GPA33: variants seen among roughly 807,000 people sequenced by gnomAD.
GPA33 encodes the protein cell surface A33 antigen.
GPA33 carries 27 observed loss-of-function variants against 35.6 expected under a neutral mutation model. That is an observed-to-expected ratio of 0.76 (90% CI 0.56 to 1.04). The LOEUF (loss-of-function observed/expected upper bound fraction) is 1.04. Ranked by LOEUF, GPA33 falls within the 50% of genes least tolerant of loss-of-function variation. The pLI is 0.00. For synonymous variants in GPA33, 176 were observed against 164.0 expected (o/e 1.07, Z -0.56); for missense variants, 428 against 411.9 (o/e 1.04, Z -0.34).
chr1:167,071,719 T>C (rs1279312086), intron 2 of GPA33, among the ~76,000 whole-genome samples: 1 of 152,134 alleles, frequency 6.6e-6, no homozygotes, highest in African/African-American at 2.4e-5. Context: ...CTCTGCCCAC[T>C]AACCCTCCTC....
At chr1:167,069,322 T>TA (rs1558007519) in intron 2 of GPA33, among the ~76,000 whole-genome samples, 184 bp from the exon 3 acceptor site, 7 of 152,228 alleles carry the variant, frequency 4.6e-5, no homozygotes, top group African/African-American at 1.7e-4. Context: ...ATATATATAT[T>TA]TTTTTAGTTT....
chr1:167,089,306 G>A (rs1347593447), intron 1 of GPA33, among the ~76,000 whole-genome samples: 1 of 152,094 alleles, frequency 6.6e-6, no homozygotes, highest in Non-Finnish European at 1.5e-5. Context: ...CCAGTCTCCT[G>A]GTTTCCACTT....
rs1460538530 is a variant in GPA33, at chr1:167,053,656, T to C, written c.*678A>G. 1 of 152,476 alleles carries C rather than the reference T, an allele frequency of 6.6e-6. No homozygotes were observed. Among genetic ancestry groups the C allele is most frequent in the Non-Finnish European group, 1.5e-5 (1 of 68,268 alleles). The allele number at this position is 152,476 out of a possible 1,614,324, so 9.4% of individuals were successfully genotyped here. A position where few individuals can be genotyped will look rare whatever the true frequency, so the allele number is the denominator to read the frequency against. On this transcript the variant is annotated 3_prime_UTR_variant, in exon 7 of 7. Transcript: ENST00000367868. ...GATAGGGTTAGAGAAATCCTTGTGATTTGAGATGGGCCTGGAGGGACAGGT... is the reference window on the plus strand; with the variant it reads ...GATAGGGTTAGAGAAATCCTTGTGACTTGAGATGGGCCTGGAGGGACAGGT...
chr1:167,068,700 C>A (rs555824636), intron 3 of GPA33, among the ~76,000 whole-genome samples: 94 of 152,330 alleles, frequency 6.2e-4, no homozygotes, highest in Non-Finnish European at 1.2e-3. Context: ...CCAAGTCGGC[C>A]TTCTCTGTCC....
intron 4 of GPA33, among the ~76,000 whole-genome samples, chr1:167,061,009 T>C (rs948265796): frequency 6.6e-6 from 1 of 152,202 alleles, no homozygotes; most frequent in African/African-American, 2.4e-5. Context: ...CAGGCACTAG[T>C]CTCAATGCTT....
chr1:167,068,999 C>A lies in GPA33; in HGVS notation c.338G>T (p.Gly113Val). Residue 113 changes from glycine (G) to valine (V), a missense_variant, in exon 3 of 7, where the codon GGC becomes GTC. By Grantham distance (109) the Gly-to-Val change is moderately radical (BLOSUM62 -3). Transcript: ENST00000367868. ...CAGCGAGACAGAACACTCGTAGGTG[C>A]CGTTGTCAGCCATGGTCAGCTGATC... ...TIDQLTMADN[G>V]TYECSVSLMS... is the part of the protein sequence containing the mutation. 6.2e-7 allele frequency: 1 copy of A among 1,614,034 alleles called. No homozygotes were observed. The highest frequency in any genetic ancestry group is 8.5e-7 in the Non-Finnish European group (1 of 1,179,986).
chr1:167,086,567 A>C (rs1558012605), intron 1 of GPA33, among the ~76,000 whole-genome samples: 3 of 152,216 alleles, frequency 2.0e-5, no homozygotes, highest in Non-Finnish European at 4.4e-5. Flanking sequence ...AGAGCAGACA[A>C]GTGTAGGGCA....
chr1:167,055,736 T>C lies in GPA33; in HGVS notation c.685A>G (p.Arg229Gly). Reference sequence around the variant, plus strand: ...CCCCGCAGGCTGCTCTTACGAGATCTGACGGCCACCGTGATGTTGCAGAAC... The same window carrying C: ...CCCCGCAGGCTGCTCTTACGAGATCCGACGGCCACCGTGATGTTGCAGAAC... ...TQFCNITVAV[R>G]SPSMNVALYV... The change falls in exon 5 of 7, where the codon AGA (arginine) becomes GGA (glycine). Residue 229 changes from arginine to glycine, a missense_variant. Transcript: ENST00000367868. The C allele has an allele frequency of 1.9e-6, 3 of 1,614,050 alleles. No individual in the cohort carries two copies. The highest frequency in any genetic ancestry group is 2.5e-6 in the Non-Finnish European group (3 of 1,179,986).
At chr1:167,081,414 G>T (rs190572963) in intron 1 of GPA33, among the ~76,000 whole-genome samples, 3 of 152,224 alleles carry the variant, frequency 2.0e-5, no homozygotes, top group African/African-American at 7.2e-5. Context: ...GTTCACACAC[G>T]CAGGTTGGTT....
At chr1:167,084,132 G>A (rs1462359596) in intron 1 of GPA33, among the ~76,000 whole-genome samples, 1 of 152,138 alleles carries the variant, frequency 6.6e-6, no homozygotes, top group Non-Finnish European at 1.5e-5. Flanking sequence ...AATAGTCATG[G>A]GAAGTTATGG....
intron 2 of GPA33, among the ~76,000 whole-genome samples, chr1:167,069,958 T>C (rs1666682955): frequency 6.6e-6 from 1 of 152,200 alleles, no homozygotes; most frequent in African/African-American, 2.4e-5. Flanking sequence ...CAAAGAGTGA[T>C]GGAAGTGATA....
chr1:167,056,722 T>A (rs1233028863), intron 4 of GPA33, among the ~76,000 whole-genome samples: 34 of 76,886 alleles, frequency 4.4e-4, no homozygotes, highest in Admixed American at 7.7e-4. Context: ...GTGTGTGTAG[T>A]GTGTGATGTA....
chr1:167,061,064 C>G (rs1003521235), intron 4 of GPA33, among the ~76,000 whole-genome samples: 1 of 152,246 alleles, frequency 6.6e-6, no homozygotes, highest in African/African-American at 2.4e-5. Flanking sequence ...GAAGTAAACA[C>G]TAGCATTGTA....
chr1:167,057,640 C>T (rs1451090682), intron 4 of GPA33, among the ~76,000 whole-genome samples: 4 of 152,214 alleles, frequency 2.6e-5, no homozygotes, highest in Non-Finnish European at 2.9e-5. Flanking sequence ...GAGTTGTCCT[C>T]TCTCCGCCCC....
intron 1 of GPA33, among the ~76,000 whole-genome samples, chr1:167,076,925 G>A (rs370079626): frequency 3.5e-4 from 53 of 152,292 alleles, no homozygotes; most frequent in African/African-American, 1.2e-3. Context: ...ACATTTGCTG[G>A]CAGGGCGCAG....
chr1:167,065,553 C>G (rs988652115), intron 3 of GPA33, among the ~76,000 whole-genome samples: 2 of 152,156 alleles, frequency 1.3e-5, no homozygotes, highest in East Asian at 3.8e-4. Context: ...CAGTGCTGCC[C>G]ATTCTATAAT....
chr1:167,075,754 T>A (rs1005534451), intron 1 of GPA33, among the ~76,000 whole-genome samples: 1 of 152,086 alleles, frequency 6.6e-6, no homozygotes, highest in Non-Finnish European at 1.5e-5. Flanking sequence ...AGGAAAGACA[T>A]GTGGGACTGA....
chr1:167,087,958 T>C (rs1667087796), intron 1 of GPA33, among the ~76,000 whole-genome samples: 1 of 126,262 alleles, frequency 7.9e-6, no homozygotes, highest in African/African-American at 3.1e-5. Context: ...TAGTCGGTTT[T>C]ATGATTGCTT....
chr1:167,062,401 T>G (rs1293182098), intron 4 of GPA33, among the ~76,000 whole-genome samples: 1 of 151,470 alleles, frequency 6.6e-6, no homozygotes, highest in Non-Finnish European at 1.5e-5. Context: ...AAAATTTTGT[T>G]TGGAGACAGG....
Sources: allele counts gnomAD v4.1 joint callset (sites outside exome capture counted in the v4.1 genomes callset), GRCh38; gene constraint gnomAD v4.1.1; transcripts MANE v1.5; gene names NCBI Gene and HGNC (gene_info 2026-07-23, HGNC 2026-07-21).